MICAL3: variants seen among roughly 807,000 people sequenced by gnomAD.
The protein encoded by MICAL3 is microtubule associated monooxygenase, calponin and LIM domain containing 3.
Under a neutral mutation model 207.4 loss-of-function variants are expected in MICAL3, and 62 were observed. The observed-to-expected ratio is 0.30, with a 90% CI of 0.24 to 0.37. MICAL3 has a LOEUF of 0.37. Among genes scored for constraint, MICAL3 ranks in the 10% least tolerant of loss-of-function variants. The pLI is 1.00. For missense variants in MICAL3, 2,368 were observed against 2,635.6 expected (o/e 0.90, Z 2.22); for synonymous variants, 1,077 against 1,069.3 (o/e 1.01, Z -0.14).
intron 1 of MICAL3, among the ~76,000 whole-genome samples, chr22:18,012,486 G>A (rs944135878): frequency 2.0e-5 from 3 of 152,126 alleles, no homozygotes; most frequent in African/African-American, 4.8e-5. Flanking sequence ...AGTGGTGGGC[G>A]GGGGGCCTGA....
Position 17,886,027 on chromosome 22 carries a change from C to T in MICAL3, c.2092G>A (p.Gly698Arg), listed in dbSNP as rs200353315. 87 of 1,614,032 alleles carry T rather than the reference C, an allele frequency of 5.4e-5. 1 individual carries two copies. The African/African-American group carries it at 1.0e-3, about 19-fold the overall frequency. Residue 698 changes from glycine to arginine, a missense_variant, in exon 16 of 32, where the codon GGA becomes AGA. Coordinates refer to ENST00000441493, the MANE Select transcript of MICAL3 (RefSeq NM_015241.3). ...GTGCTCACCAGGGTCGGTCTTTCTC[C>T]TCTGTGGCCCCGAGGAGCTTCCTCC... ...EEEEAPRGHR[G>R]ERPTLVSTLT...
intron 1 of MICAL3, among the ~76,000 whole-genome samples, chr22:17,915,654 A>G (rs1932448640): frequency 6.6e-6 from 1 of 151,868 alleles, no homozygotes; most frequent in South Asian, 2.1e-4. Context: ...CACAAAATAC[A>G]CTGCAGTCAA....
chr22:17,962,477 C>T (rs1226066853), intron 1 of MICAL3, among the ~76,000 whole-genome samples: 1 of 152,138 alleles, frequency 6.6e-6, no homozygotes, highest in Non-Finnish European at 1.5e-5. Context: ...GGGAGGAGGA[C>T]AGGAGCCTTC....
intron 1 of MICAL3, among the ~76,000 whole-genome samples, chr22:17,978,194 AAT>A (rs1216129471): frequency 6.6e-6 from 1 of 152,246 alleles, no homozygotes; most frequent in Admixed American, 6.5e-5. Context: ...CATAAAATGG[AAT>A]ATTATTCTGC....
rs539602637 is a variant in MICAL3 at position 17,850,445 on chromosome 22, C to G, written c.2606-8428G>C. On this transcript the variant is annotated intron_variant, in intron 19 of 31. Transcript: ENST00000441493. The stretch of plus-strand genomic sequence containing the variant: ...TTTTTTTTTGAGATGGAGTCTCACT[C>G]TGTTACCCAGGCTGGAGTGCAGTGG... 1.8e-4 allele frequency among the ~76,000 whole-genome samples: 21 copies of G among 114,902 alleles called. No individual in the cohort carries two copies. The South Asian group carries it at 6.4e-3, about 35-fold the overall frequency. The allele number at this position is 114,902 out of a possible 152,430, so 75.4% of individuals were successfully genotyped here.
chr22:18,001,457 T>A (rs1234172659), intron 1 of MICAL3: 1 of 152,214 alleles, frequency 6.6e-6, no homozygotes, highest in African/African-American at 2.4e-5. Context: ...GCCGCCCTGT[T>A]CCGCAGCCCG....
chr22:18,023,150 G>A (rs907146896), intron 1 of MICAL3, among the ~76,000 whole-genome samples: 1 of 151,436 alleles, frequency 6.6e-6, no homozygotes, highest in Non-Finnish European at 1.5e-5. Context: ...AGAATGGTGG[G>A]TGGCCATCTT....
intron 19 of MICAL3, chr22:17,860,889 C>G: frequency 1.0e-6 from 1 of 985,422 alleles, no homozygotes; most frequent in South Asian, 4.7e-5. Flanking sequence ...GAACCAGGAA[C>G]AAGCAGCTTT....
At chr22:17,822,717 C>T (rs1462294401) in intron 23 of MICAL3, among the ~76,000 whole-genome samples, 1 of 152,208 alleles carries the variant, frequency 6.6e-6, no homozygotes. Context: ...TGTATAAAGC[C>T]ACAGGTTGGC....
intron 16 of MICAL3, 71 bp downstream of exon 16, chr22:17,885,807 G>A: frequency 6.7e-7 from 1 of 1,498,524 alleles, no homozygotes; most frequent in Non-Finnish European, 9.2e-7. Context: ...CCATCTCAAT[G>A]GATGGAAAAG....
chr22:17,908,841 C>T (rs1158869177), intron 1 of MICAL3, among the ~76,000 whole-genome samples: 1 of 152,134 alleles, frequency 6.6e-6, no homozygotes, highest in Admixed American at 6.5e-5. Context: ...AAGAGACTGC[C>T]CACTATTCAG....
intron 1 of MICAL3, among the ~76,000 whole-genome samples, chr22:17,923,066 C>T (rs1932836411): frequency 6.6e-6 from 1 of 152,164 alleles, no homozygotes. Flanking sequence ...CCCAGCTACA[C>T]CCCTCACCAC....
chr22:17,918,107 T>C (rs1045964459), intron 1 of MICAL3, among the ~76,000 whole-genome samples: 2 of 152,168 alleles, frequency 1.3e-5, no homozygotes, highest in Admixed American at 6.5e-5. Flanking sequence ...TCAGCCAGCA[T>C]AAAAGCAAAT....
chr22:17,787,772 AG>A lies in MICAL3; in HGVS notation c.*2959del, dbSNP rs1440382260. On this transcript the variant is annotated 3_prime_UTR_variant, in exon 32 of 32. Transcript: ENST00000441493. ...GTCCCACTGAAAAATTTATTTTGAA[AG>A]GGTTAAGAAGAGTCTATCATTGCTG... 2 of 152,244 alleles carry A rather than the reference AG, an allele frequency of 1.3e-5. No homozygotes were observed. Among genetic ancestry groups the A allele is most frequent in the Non-Finnish European group, 2.9e-5 (2 of 68,040 alleles). 9.4% of individuals were successfully genotyped at this position (152,244 alleles called of 1,614,324 possible).
intron 1 of MICAL3, among the ~76,000 whole-genome samples, chr22:18,022,960 C>T (rs562942413): frequency 6.6e-6 from 1 of 152,288 alleles, no homozygotes; most frequent in Admixed American, 6.5e-5. Flanking sequence ...GTGATGATCC[C>T]TCCCTCGTTT....
intron 19 of MICAL3, among the ~76,000 whole-genome samples, chr22:17,844,238 C>T (rs182327329): frequency 4.6e-5 from 7 of 152,222 alleles, no homozygotes; most frequent in African/African-American, 1.7e-4. Context: ...GGCAGGTCAC[C>T]GATTCCTGCA....
intron 1 of MICAL3, among the ~76,000 whole-genome samples, chr22:17,990,294 C>T (rs112689580): frequency 2.6e-5 from 4 of 152,176 alleles, no homozygotes; most frequent in African/African-American, 9.6e-5. Flanking sequence ...ATCCAAACAC[C>T]GCAAAGAAAC....
chr22:17,899,397 GA>G, intron 7 of MICAL3, 50 bp downstream of exon 7: 1 of 1,165,658 alleles, frequency 8.6e-7, no homozygotes, highest in Middle Eastern at 1.9e-4. Context: ...TTCTCTTGGT[GA>G]TATTAACCAC....
At chr22:17,906,981 C>T (rs996508658) in intron 1 of MICAL3, 95 bp from the exon 2 acceptor site, 6 of 640,990 alleles carry the variant, frequency 9.4e-6, no homozygotes, top group Non-Finnish European at 1.6e-5. Context: ...TCTAAAGTGT[C>T]GCAGTCATCC....
Sources: gnomAD v4.1 joint callset for allele counts (sites outside exome capture counted in the v4.1 genomes callset) on GRCh38, gnomAD v4.1.1 for gene constraint, MANE v1.5 for transcripts, NCBI Gene and HGNC (gene_info 2026-07-23, HGNC 2026-07-21) for gene names.